MSMB: variants seen among roughly 807,000 people sequenced by gnomAD.
The protein encoded by MSMB is beta-microseminoprotein.
A neutral mutation model predicts 10.5 loss-of-function variants in MSMB; 10 were observed. That is an observed-to-expected ratio of 0.95 (90% CI 0.59 to 1.62). MSMB has a LOEUF of 1.62. MSMB is among the 40% of genes most tolerant of loss of function. The pLI is 0.00. For missense variants in MSMB, 126 were observed against 137.4 expected (o/e 0.92, Z 0.42); for synonymous variants, 43 against 46.5 (o/e 0.93, Z 0.30).
intron 1 of MSMB, among the ~76,000 whole-genome samples, chr10:46,040,358 TAAAAA>T (rs1335483577): frequency 1.3e-5 from 2 of 151,904 alleles, no homozygotes; most frequent in African/African-American, 4.8e-5. Flanking sequence ...AAGATGGTGT[TAAAAA>T]AAATGTTGAG....
intron 1 of MSMB, among the ~76,000 whole-genome samples, chr10:46,042,531 T>G (rs909233111): frequency 6.6e-6 from 1 of 152,138 alleles, no homozygotes; most frequent in Non-Finnish European, 1.5e-5. Context: ...CTTAAAACCG[T>G]TTACAACATT....
At chr10:46,041,413 C>T (rs1160667784) in intron 1 of MSMB, among the ~76,000 whole-genome samples, 2 of 150,178 alleles carry the variant, frequency 1.3e-5, no homozygotes, top group African/African-American at 4.9e-5. Context: ...TGTCTTTTGA[C>T]AATGGGAATG....
chr10:46,039,178 G>A (rs569759434), intron 2 of MSMB, 107 bp from the exon 3 acceptor site: 3 of 915,952 alleles, frequency 3.3e-6, no homozygotes, highest in Non-Finnish European at 5.2e-6. Context: ...CAGAGAGAGA[G>A]GAGCTCAATT....
intron 1 of MSMB, among the ~76,000 whole-genome samples, chr10:46,040,371 G>A (rs1840712981): frequency 6.6e-6 from 1 of 152,152 alleles, no homozygotes; most frequent in South Asian, 2.1e-4. Context: ...AAAAAATGTT[G>A]AGGAGGCCAT....
rs782242474 is a variant in MSMB at position 46,033,536 on chromosome 10, C to T, written c.231G>A (p.Val77=). The T allele has an allele frequency of 4.3e-6, 7 of 1,613,638 alleles. No homozygotes were observed. Among genetic ancestry groups the T allele is most frequent in the Non-Finnish European group, 5.9e-6 (7 of 1,179,606 alleles). ...ISCCTLVSTP[V]GYDKDNCQRI... ...TTTGGCAGTTGTCTTTGTCATAACCCACAGGTGTAGAAACACTGTCATTGA... is the reference window on the plus strand; with the variant it reads ...TTTGGCAGTTGTCTTTGTCATAACCTACAGGTGTAGAAACACTGTCATTGA... The change falls in exon 4 of 4, where the codon GTG becomes GTA. Residue 77 remains valine (V), a synonymous_variant. Transcript: ENST00000582163.
intron 1 of MSMB, among the ~76,000 whole-genome samples, chr10:46,045,067 T>A (rs1199327511): frequency 6.6e-6 from 1 of 152,068 alleles, no homozygotes; most frequent in African/African-American, 2.4e-5. Flanking sequence ...CTGAGGACCC[T>A]CTCCCACCTC....
intron 1 of MSMB, among the ~76,000 whole-genome samples, chr10:46,040,386 T>C (rs1244854909): frequency 6.6e-6 from 1 of 152,190 alleles, no homozygotes; most frequent in East Asian, 1.9e-4. Context: ...GGCCATTTGT[T>C]TGGACTGAGC....
chr10:46,033,376 G>A lies in MSMB; in HGVS notation c.*46C>T, dbSNP rs1370283601. The A allele has an allele frequency of 6.2e-6, 10 of 1,606,400 alleles. No individual in the cohort carries two copies. The highest frequency in any genetic ancestry group is 5.4e-5 in the African/African-American group (4 of 74,636). ...CAATCATTGACTATTAGAGGCCAGAGGAGAATGAGGCCTGGCCTGGGAGCC... is the reference window on the plus strand; with the variant it reads ...CAATCATTGACTATTAGAGGCCAGAAGAGAATGAGGCCTGGCCTGGGAGCC... On this transcript the variant is annotated 3_prime_UTR_variant, in exon 4 of 4. Transcript: ENST00000582163.
At chr10:46,041,871 G>GAA (rs1275538001) in intron 1 of MSMB, among the ~76,000 whole-genome samples, 29 of 145,852 alleles carry the variant, frequency 2.0e-4, no homozygotes, top group African/African-American at 6.9e-4. Context: ...GGGTAAAAAA[G>GAA]AAAAAAACAA....
At chr10:46,041,844 C>T (rs916180235) in intron 1 of MSMB, among the ~76,000 whole-genome samples, 2 of 147,458 alleles carry the variant, frequency 1.4e-5, no homozygotes, top group Non-Finnish European at 3.0e-5. Context: ...CCAGAAAATT[C>T]CAAAGGTAGT....
At chr10:46,040,903 G>T (rs149506709) in intron 1 of MSMB, among the ~76,000 whole-genome samples, 5,129 of 151,208 alleles carry the variant, frequency 0.034, 301 homozygotes, top group African/African-American at 0.12. Context: ...GCAGTGAGCC[G>T]AGATCTGGCC....
intron 1 of MSMB, among the ~76,000 whole-genome samples, chr10:46,040,803 A>G (rs1840726375): frequency 6.6e-6 from 1 of 152,022 alleles, no homozygotes; most frequent in Non-Finnish European, 1.5e-5. Context: ...AAATACAAAA[A>G]ATTAGCCGGG....
At chr10:46,040,518 A>C (rs1840717232) in intron 1 of MSMB, among the ~76,000 whole-genome samples, 1 of 152,220 alleles carries the variant, frequency 6.6e-6, no homozygotes, top group Admixed American at 6.5e-5. Context: ...GAGAGGTAAT[A>C]GCCAAATGCC....
rs56061175 is a variant in MSMB, at chr10:46,044,575, G to GAAAA, written c.3+1656_3+1659dup. Among the ~76,000 whole-genome samples the GAAAA allele has an allele frequency of 4.7e-4, 18 of 38,518 alleles. 3 individuals are homozygous for GAAAA. The highest frequency in any genetic ancestry group is 3.2e-3 in the East Asian group (3 of 932). 25.3% of individuals were successfully genotyped at this position (38,518 alleles called of 152,430 possible). A position where few individuals can be genotyped will look rare whatever the true frequency, so the allele number is the denominator to read the frequency against. On this transcript the variant is annotated intron_variant, in intron 1 of 3. Coordinates refer to ENST00000582163, the MANE Select transcript of MSMB (RefSeq NM_002443.4). ...TGGGCGACAGAGAGACTCCGTCTCA[G>GAAAA]AAAAAAAAAAAAAAAAAAAAAAAAA...
At chr10:46,040,186 C>T in intron 1 of MSMB, 95 bp from the exon 2 acceptor site, 1 of 1,018,978 alleles carries the variant, frequency 9.8e-7, no homozygotes. Flanking sequence ...CTGGGCTCTG[C>T]TGAGAGGTTA....
At chr10:46,037,064 T>G (rs1347476917) in intron 3 of MSMB, among the ~76,000 whole-genome samples, 1 of 152,204 alleles carries the variant, frequency 6.6e-6, no homozygotes, top group Non-Finnish European at 1.5e-5. Context: ...CTCTGTTCCA[T>G]TAGGCACCTA....
At chr10:46,036,516 G>A (rs1175656323) in intron 3 of MSMB, among the ~76,000 whole-genome samples, 4 of 152,178 alleles carry the variant, frequency 2.6e-5, no homozygotes, top group African/African-American at 9.7e-5. Flanking sequence ...GCACAGAGAA[G>A]GCATTAAGTG....
intron 1 of MSMB, among the ~76,000 whole-genome samples, chr10:46,041,075 G>A (rs1554928531): frequency 6.6e-6 from 1 of 152,206 alleles, no homozygotes; most frequent in Admixed American, 6.5e-5. Context: ...CAGGCGTGGT[G>A]GCTCATGCCT....
intron 1 of MSMB, 119 bp downstream of exon 1, chr10:46,046,116 T>C: frequency 1.9e-6 from 2 of 1,075,220 alleles, no homozygotes; most frequent in African/African-American, 1.5e-5. Context: ...TAACATAAGG[T>C]TCCTAACTAG....
Sources: allele counts gnomAD v4.1 joint callset (sites outside exome capture counted in the v4.1 genomes callset), GRCh38; gene constraint gnomAD v4.1.1; transcripts MANE v1.5; gene names NCBI Gene and HGNC (gene_info 2026-07-23, HGNC 2026-07-21).